COL11A1: variants seen among roughly 807,000 people sequenced by gnomAD.
The protein encoded by COL11A1 is collagen type XI alpha 1 chain.
In COL11A1, 74 loss-of-function variants were observed where a neutral mutation model predicts 265.2. The ratio of observed to expected loss-of-function variants is 0.28; its 90% CI spans 0.23 to 0.34. The LOEUF (loss-of-function observed/expected upper bound fraction) is 0.34. Ranked by LOEUF, COL11A1 falls within the 10% of genes least tolerant of loss-of-function variation. The pLI, the probability that COL11A1 is intolerant of heterozygous loss-of-function variation, is 1.00. For synonymous variants in COL11A1, 816 were observed against 727.6 expected (o/e 1.12, Z -1.96); for missense variants, 2,165 against 2,263.6 (o/e 0.96, Z 0.88).
chr1:103,061,346 G>C (rs1196105556), intron 4 of COL11A1, among the ~76,000 whole-genome samples: 1 of 151,866 alleles, frequency 6.6e-6, no homozygotes, highest in Non-Finnish European at 1.5e-5. Flanking sequence ...ATATACAGCA[G>C]GCAGAAATTA....
intron 59 of COL11A1, among the ~76,000 whole-genome samples, chr1:102,889,141 G>T (rs1360356833): frequency 6.6e-6 from 1 of 152,096 alleles, no homozygotes; most frequent in Admixed American, 6.6e-5. Context: ...TGAGGTTTTT[G>T]TTTTCAATCT....
rs539942688 is a variant in COL11A1, at chr1:102,984,647, C to A, written c.2503-456G>T. Reference sequence around the variant, plus strand: ...CATTTACCCCAGTCTAAATATAAAACAAGGGATCATGAGTTACTTAACTTT... The same window carrying A: ...CATTTACCCCAGTCTAAATATAAAAAAAGGGATCATGAGTTACTTAACTTT... On this transcript the variant is annotated intron_variant, in intron 30 of 66. Coordinates refer to ENST00000370096, the MANE Select transcript of COL11A1 (RefSeq NM_001854.4). Among the ~76,000 whole-genome samples, 10 of 152,052 alleles carry A rather than the reference C, an allele frequency of 6.6e-5. No homozygotes were observed. In the East Asian group the frequency reaches 1.7e-3, roughly 26 times the overall value.
rs535281631 is a variant in COL11A1 at position 103,054,685 on chromosome 1, T to C, written c.651+19933A>G. Among the ~76,000 whole-genome samples, 63 of 152,208 alleles carry C rather than the reference T, an allele frequency of 4.1e-4. 1 individual carries two copies. Among genetic ancestry groups the C allele is most frequent in the African/African-American group, 1.4e-3 (59 of 41,550 alleles). On this transcript the variant is annotated intron_variant, in intron 4 of 66. Transcript: ENST00000370096. ...GGGAGGCCGAGGTGGATGGATTGCCTGAGGTCGGGAGTTCGAGACCAGCCT... is the reference window on the plus strand; with the variant it reads ...GGGAGGCCGAGGTGGATGGATTGCCCGAGGTCGGGAGTTCGAGACCAGCCT...
intron 54 of COL11A1, among the ~76,000 whole-genome samples, chr1:102,899,488 A>G (rs1449400712): frequency 2.0e-5 from 3 of 152,198 alleles, no homozygotes; most frequent in African/African-American, 7.2e-5. Context: ...ATGATGGTCA[A>G]CAGACACAGT....
At chr1:102,973,560 T>C (rs1327471172) in intron 36 of COL11A1, among the ~76,000 whole-genome samples, 1 of 152,144 alleles carries the variant, frequency 6.6e-6, no homozygotes, top group Non-Finnish European at 1.5e-5. Flanking sequence ...TATAAGAATG[T>C]TTATAAAAAT....
At chr1:103,021,578 T>C in intron 9 of COL11A1, 129 bp downstream of exon 9, 2 of 700,628 alleles carry the variant, frequency 2.9e-6, no homozygotes, top group Non-Finnish European at 5.3e-6. Flanking sequence ...TACTTATTTG[T>C]GGTGAATTGC....
chr1:103,024,989 G>T (rs985524606), intron 7 of COL11A1, among the ~76,000 whole-genome samples: 3 of 152,042 alleles, frequency 2.0e-5, no homozygotes, highest in Non-Finnish European at 2.9e-5. Flanking sequence ...ATAATGGAAA[G>T]ATTAAGATAT....
At chr1:103,016,397 C>T (rs567178014) in intron 11 of COL11A1, among the ~76,000 whole-genome samples, 18 of 151,790 alleles carry the variant, frequency 1.2e-4, no homozygotes, top group Middle Eastern at 3.4e-3. Context: ...TTAGGTGTGA[C>T]TATGCTGTCC....
intron 10 of COL11A1, 145 bp downstream of exon 10, chr1:103,018,673 C>A: frequency 3.1e-6 from 2 of 649,140 alleles, no homozygotes; most frequent in Non-Finnish European, 2.6e-6. Flanking sequence ...GAAGGCAGTT[C>A]AAAGGCACCA....
chr1:102,882,241 C>T (rs1303046213), intron 64 of COL11A1, among the ~76,000 whole-genome samples: 1 of 152,174 alleles, frequency 6.6e-6, no homozygotes, highest in Non-Finnish European at 1.5e-5. Flanking sequence ...GAATTACTCC[C>T]TGCTGGTTAG....
At chr1:102,885,055 A>T (rs892647068) in intron 63 of COL11A1, among the ~76,000 whole-genome samples, 3 of 152,090 alleles carry the variant, frequency 2.0e-5, no homozygotes, top group African/African-American at 7.2e-5. Flanking sequence ...AGAAGGCCTT[A>T]CTAGGTTTCC....
At chr1:102,920,463 C>A in intron 48 of COL11A1, 99 bp from the exon 49 acceptor site, 1 of 971,336 alleles carries the variant, frequency 1.0e-6, no homozygotes, top group Non-Finnish European at 1.7e-6. Flanking sequence ...GAAATAGATG[C>A]ATGAGTATTC....
intron 22 of COL11A1, 89 bp from the exon 23 acceptor site, chr1:103,002,570 C>T: frequency 8.2e-7 from 1 of 1,217,100 alleles, no homozygotes; most frequent in African/African-American, 1.5e-5. Context: ...CTCTACCCAC[C>T]CTCAAACAGT....
chr1:103,021,017 GT>G (rs1455784739), intron 9 of COL11A1, among the ~76,000 whole-genome samples: 134 of 143,662 alleles, frequency 9.3e-4, no homozygotes, highest in Non-Finnish European at 1.7e-3. Flanking sequence ...TTCTTTCTCT[GT>G]TTTTTTTTGA....
chr1:103,006,072 G>T lies in COL11A1; in HGVS notation c.1787C>A (p.Ala596Glu). The change falls in exon 17 of 67, where the codon GCA (alanine) becomes GAA (glutamate). Residue 596 changes from alanine to glutamate, a missense_variant. Physicochemically the swap from Ala to Glu is moderately radical, Grantham distance 107. Coordinates refer to ENST00000370096, the MANE Select transcript of COL11A1 (RefSeq NM_001854.4). ...AAAAATATGTGAGCTCCTGACCTTT[G>T]CCCCAGGTTCTCCTGGCATTCCTCT... ...GGRGMPGEPGAKGDRGFDGLP... is the reference protein window; with the variant it reads ...GGRGMPGEPGEKGDRGFDGLP... 1 of 1,613,826 alleles carries T rather than the reference G, an allele frequency of 6.2e-7. No homozygotes were observed. The highest frequency in any genetic ancestry group is 8.5e-7 in the Non-Finnish European group (1 of 1,179,896).
chr1:103,014,458 T>C, intron 13 of COL11A1, 53 bp downstream of exon 13: 2 of 1,392,722 alleles, frequency 1.4e-6, no homozygotes, highest in Admixed American at 1.7e-5. Flanking sequence ...CACACATATA[T>C]ACTTGATACA....
intron 4 of COL11A1, among the ~76,000 whole-genome samples, chr1:103,064,445 C>T (rs1670916241): frequency 6.6e-6 from 1 of 151,962 alleles, no homozygotes; most frequent in South Asian, 2.1e-4. Flanking sequence ...AATCCCAGCA[C>T]TTTGGGGGCT....
At chr1:103,078,067 T>C (rs1295926384) in intron 3 of COL11A1, among the ~76,000 whole-genome samples, 1 of 152,096 alleles carries the variant, frequency 6.6e-6, no homozygotes, top group Non-Finnish European at 1.5e-5. Context: ...ATTAGATCAT[T>C]CTTCTGCTCA....
At chr1:102,912,340 C>A (rs1654788856) in intron 53 of COL11A1, 128 bp from the exon 54 acceptor site, 1 of 725,202 alleles carries the variant, frequency 1.4e-6, no homozygotes, top group African/African-American at 1.8e-5. Flanking sequence ...CCTGGAAAAT[C>A]TCAGCCCTAT....
Sources: allele counts gnomAD v4.1 joint callset (sites outside exome capture counted in the v4.1 genomes callset), GRCh38; gene constraint gnomAD v4.1.1; transcripts MANE v1.5; gene names NCBI Gene and HGNC (gene_info 2026-07-23, HGNC 2026-07-21).